DNAAF9: variants seen among roughly 807,000 people sequenced by gnomAD.
DNAAF9 encodes the protein dynein axonemal assembly factor 9, also known as shulin.
DNAAF9 carries 90 observed loss-of-function variants against 167.0 expected under a neutral mutation model. The ratio of observed to expected loss-of-function variants is 0.54; its 90% CI spans 0.45 to 0.64. The LOEUF (loss-of-function observed/expected upper bound fraction) is 0.64. Ranked by LOEUF, DNAAF9 falls within the 30% of genes least tolerant of loss-of-function variation. The probability of loss-of-function intolerance (pLI) is 0.00; values close to 1 mark genes in which losing one functional copy is unlikely to be tolerated. For synonymous variants in DNAAF9, 491 were observed against 508.8 expected (o/e 0.96, Z 0.47); for missense variants, 1,315 against 1,442.2 (o/e 0.91, Z 1.43).
chr20:3,319,099 A>AAAAAAG (rs1568601715), intron 16 of DNAAF9, among the ~76,000 whole-genome samples: 2 of 140,526 alleles, frequency 1.4e-5, no homozygotes, highest in African/African-American at 5.4e-5. Context: ...AAAAAAAAAA[A>AAAAAAG]AAAAAGAAAA....
rs6037572 is a variant in DNAAF9 at position 3,360,419 on chromosome 20, C to G, written c.613-826G>C. Reference sequence around the variant, plus strand: ...AGTGTGAGCCACTGTGCCTGGCCCCCAAACTGTTTACACATACATATCCTA... The same window carrying G: ...AGTGTGAGCCACTGTGCCTGGCCCCGAAACTGTTTACACATACATATCCTA... On this transcript the variant is annotated intron_variant, in intron 6 of 36. Transcript: ENST00000252032. Among the ~76,000 whole-genome samples, 995 of 152,238 alleles carry G rather than the reference C, an allele frequency of 6.5e-3. 9 individuals carry two copies. Among genetic ancestry groups the G allele is most frequent in the African/African-American group, 0.023 (952 of 41,538 alleles).
Position 3,407,606 on chromosome 20 carries a change from T to TCAGTTGCC in DNAAF9, c.-57_-50dup, listed in dbSNP as rs2084083518. The TCAGTTGCC allele has an allele frequency of 8.3e-7, 1 of 1,207,446 alleles. No individual in the cohort carries two copies. Among genetic ancestry groups the TCAGTTGCC allele is most frequent in the Admixed American group, 4.4e-5 (1 of 22,708 alleles). The allele number at this position is 1,207,446 out of a possible 1,614,324, so 74.8% of individuals were successfully genotyped here. On this transcript the variant is annotated 5_prime_UTR_variant, in exon 1 of 37. Transcript: ENST00000252032. ...GGAGGACGGTGCAGCTGCGAGGGTC[T>TCAGTTGCC]CAGTTGCCCGCAGGGCGGCTCCACG...
Position 3,321,266 on chromosome 20 carries a change from T to C in DNAAF9, c.1356+951A>G, listed in dbSNP as rs545140860. On this transcript the variant is annotated intron_variant, in intron 16 of 36. Transcript: ENST00000252032. Reference sequence around the variant, plus strand: ...ATGCATCATTAGCTGATTTCATCACTGTGTGAACATTGTAGAGTGTACTTA... The same window carrying C: ...ATGCATCATTAGCTGATTTCATCACCGTGTGAACATTGTAGAGTGTACTTA... 3.3e-5 allele frequency among the ~76,000 whole-genome samples: 5 copies of C among 152,324 alleles called. No homozygotes were observed. The South Asian group carries it at 8.3e-4, about 25-fold the overall frequency.
chr20:3,293,494 A>G (rs2236102), intron 25 of DNAAF9, among the ~76,000 whole-genome samples: 37,379 of 148,438 alleles, frequency 0.25, 5,225 homozygotes, highest in African/African-American at 0.37. Flanking sequence ...AGACCAGCCT[A>G]GTCAACATGG....
chr20:3,342,207 TG>T, intron 9 of DNAAF9, among the ~76,000 whole-genome samples: 1 of 152,188 alleles, frequency 6.6e-6, no homozygotes, highest in East Asian at 1.9e-4. Flanking sequence ...TAATTTTCTC[TG>T]ATGTCCCTTA....
At chr20:3,308,410 T>C (rs139648275) in intron 20 of DNAAF9, among the ~76,000 whole-genome samples, 6,561 of 149,036 alleles carry the variant, frequency 0.044, 219 homozygotes, top group African/African-American at 0.093. Flanking sequence ...TGGTGCCATC[T>C]CTGCTCACTG....
At chr20:3,336,268 T>TTGTTTG (rs1279740536) in intron 10 of DNAAF9, among the ~76,000 whole-genome samples, 2,285 of 149,606 alleles carry the variant, frequency 0.015, 79 homozygotes, top group African/African-American at 0.054. Context: ...GTTTTTTTTT[T>TTGTTTG]TTTTTTTGCC....
In DNAAF9 at chr20:3,288,651, A is replaced by C. The variant is rs143895904; in HGVS notation, c.2328-861T>G. Reference sequence around the variant, plus strand: ...CTCTCTATGCAATTTCAGGCTTCCAAATTTCTTTACGGCCTCCTGCAGGAT... The same window carrying C: ...CTCTCTATGCAATTTCAGGCTTCCACATTTCTTTACGGCCTCCTGCAGGAT... On this transcript the variant is annotated intron_variant, in intron 26 of 36. Coordinates refer to ENST00000252032, the MANE Select transcript of DNAAF9 (RefSeq NM_001009984.3). Among the ~76,000 whole-genome samples the C allele has an allele frequency of 3.9e-5, 6 of 152,206 alleles. No individual in the cohort carries two copies. The East Asian group carries it at 1.2e-3, about 29-fold the overall frequency.
At chr20:3,263,820 A>G (rs2068437213) in intron 31 of DNAAF9, among the ~76,000 whole-genome samples, 3 of 152,258 alleles carry the variant, frequency 2.0e-5, no homozygotes, top group Admixed American at 1.3e-4. Flanking sequence ...TTTGATTTTT[A>G]TTAATTTACA....
At chr20:3,374,347 C>A (rs1310185614) in intron 5 of DNAAF9, among the ~76,000 whole-genome samples, 193 bp from the exon 6 acceptor site, 2 of 152,190 alleles carry the variant, frequency 1.3e-5, no homozygotes, top group Non-Finnish European at 2.9e-5. Flanking sequence ...AAGGAAAATT[C>A]AAACCATAAA....
At chr20:3,375,987 T>C (rs906694389) in intron 4 of DNAAF9, among the ~76,000 whole-genome samples, 191 bp downstream of exon 4, 2 of 152,210 alleles carry the variant, frequency 1.3e-5, no homozygotes, top group Non-Finnish European at 2.9e-5. Flanking sequence ...CCTCCTTTTG[T>C]CTCCACAGGC....
intron 25 of DNAAF9, among the ~76,000 whole-genome samples, chr20:3,292,887 C>T (rs2068987826): frequency 6.6e-6 from 1 of 151,822 alleles, no homozygotes; most frequent in South Asian, 2.1e-4. Flanking sequence ...GAGCTTGAGA[C>T]CATCCTGGCC....
intron 21 of DNAAF9, among the ~76,000 whole-genome samples, chr20:3,301,226 TA>T (rs948271695): frequency 4.7e-5 from 7 of 150,308 alleles, no homozygotes; most frequent in African/African-American, 1.2e-4. Context: ...TCACCCTTGG[TA>T]CCTAGGCTGG....
intron 32 of DNAAF9, 137 bp from the exon 33 acceptor site, chr20:3,259,691 C>A: frequency 1.4e-6 from 1 of 724,342 alleles, no homozygotes; most frequent in Non-Finnish European, 2.5e-6. Flanking sequence ...CCCGCCACAC[C>A]CTGTTGCTCC....
At chr20:3,332,979 CAGTT>C (rs1329065880) in intron 10 of DNAAF9, among the ~76,000 whole-genome samples, 4 of 150,996 alleles carry the variant, frequency 2.6e-5, no homozygotes, top group South Asian at 2.1e-4. Context: ...GTTGGATACT[CAGTT>C]AGCCCAGGGA....
intron 1 of DNAAF9, among the ~76,000 whole-genome samples, chr20:3,391,428 G>C (rs1045148202): frequency 6.6e-6 from 1 of 151,864 alleles, no homozygotes; most frequent in Non-Finnish European, 1.5e-5. Context: ...CTACATTACT[G>C]CTTTTTAAAA....
At chr20:3,344,119 CAT>C (rs1210743616) in intron 8 of DNAAF9, among the ~76,000 whole-genome samples, 1 of 152,112 alleles carries the variant, frequency 6.6e-6, no homozygotes, top group African/African-American at 2.4e-5. Context: ...AGTTGCTAAT[CAT>C]GTGGAGATTT....
At chr20:3,341,529 G>C (rs1371490850) in intron 9 of DNAAF9, among the ~76,000 whole-genome samples, 1 of 152,066 alleles carries the variant, frequency 6.6e-6, no homozygotes, top group Non-Finnish European at 1.5e-5. Flanking sequence ...GGAAATAAAC[G>C]GCATCACAAT....
intron 7 of DNAAF9, among the ~76,000 whole-genome samples, chr20:3,354,924 T>G (rs2083263809): frequency 6.6e-6 from 1 of 152,206 alleles, no homozygotes; most frequent in Admixed American, 6.5e-5. Context: ...CCACTGTTGC[T>G]GCTTCAGCTG....
Sources: gnomAD v4.1 joint callset for allele counts (sites outside exome capture counted in the v4.1 genomes callset) on GRCh38, gnomAD v4.1.1 for gene constraint, MANE v1.5 for transcripts, NCBI Gene and HGNC (gene_info 2026-07-23, HGNC 2026-07-21) for gene names.